ATP13A5: variants seen among roughly 807,000 people sequenced by gnomAD.
The protein encoded by ATP13A5 is ATPase 13A5, also known as probable cation-transporting ATPase 13A5.
ATP13A5 carries 149 observed loss-of-function variants against 150.2 expected under a neutral mutation model. The ratio of observed to expected loss-of-function variants is 0.99; its 90% confidence interval spans 0.87 to 1.14. The LOEUF (loss-of-function observed/expected upper bound fraction) is 1.14. ATP13A5 is among the 50% of genes most tolerant of loss of function. The probability of loss-of-function intolerance (pLI) is 0.00; values close to 1 mark genes in which losing one functional copy is unlikely to be tolerated. For missense variants in ATP13A5, 1,383 were observed against 1,449.3 expected (o/e 0.95, Z 0.74); for synonymous variants, 497 against 522.2 (o/e 0.95, Z 0.66).
At chr3:193,373,034 T>C (rs778522842) in intron 1 of ATP13A5, among the ~76,000 whole-genome samples, 57 of 152,158 alleles carry the variant, frequency 3.7e-4, no homozygotes, top group Non-Finnish European at 7.2e-4. Flanking sequence ...ATCCTTTGAG[T>C]GGTTTTTTTG....
In ATP13A5 at chr3:193,321,732, A is replaced by G. The variant is rs1225501608; in HGVS notation, c.1864T>C (p.Tyr622His). ...QLAGENHFHV[Y>H]MKGAPEMVAR... ...ACCATTTCTGGGGCACCTTTCATGT[A>G]GACATGGAAATGATTCTCCCCAGCT... is the stretch of plus-strand genomic sequence containing the variant. The change falls in exon 16 of 30, where the codon TAC (tyrosine) becomes CAC (histidine). Residue 622 changes from tyrosine to histidine, a missense_variant. Coordinates refer to ENST00000342358, the MANE Select transcript of ATP13A5 (RefSeq NM_198505.4). 1 of 1,614,194 alleles carries G rather than the reference A, an allele frequency of 6.2e-7. No individual in the cohort carries two copies. Among genetic ancestry groups the G allele is most frequent in the East Asian group, 2.2e-5 (1 of 44,880 alleles).
intron 7 of ATP13A5, among the ~76,000 whole-genome samples, chr3:193,348,469 ATAC>A (rs1186202006): frequency 6.6e-6 from 1 of 152,180 alleles, no homozygotes; most frequent in African/African-American, 2.4e-5. Flanking sequence ...GAGCTCAGCA[ATAC>A]AGTATGCACA....
chr3:193,307,515 T>C (rs1490769217), intron 21 of ATP13A5, 146 bp from the exon 22 acceptor site: 1 of 936,820 alleles, frequency 1.1e-6, no homozygotes, highest in East Asian at 2.6e-5. Context: ...AGAAAAATGG[T>C]TTGGAGAGAC....
chr3:193,318,999 G>C lies in ATP13A5; in HGVS notation c.2025C>G (p.His675Gln). The C allele has an allele frequency of 6.2e-7, 1 of 1,612,970 alleles. No individual in the cohort carries two copies. Among genetic ancestry groups the C allele is most frequent in the Non-Finnish European group, 8.5e-7 (1 of 1,178,986 alleles). The change falls in exon 17 of 30, where the codon CAC becomes CAG. Residue 675 changes from histidine to glutamine, a missense_variant. Around this residue, in one of 3 missense-constraint regions of ATP13A5, gnomAD observed 28 missense variants for 55.9 expected, o/e 0.50. Coordinates refer to ENST00000342358, the MANE Select transcript of ATP13A5 (RefSeq NM_198505.4). ...ATTTCTGAATTGCTTACCTGGCTAA[G>C]TGCTCGACTTCTGAAAGATTCCCCA... is the stretch of plus-strand genomic sequence containing the variant. ...LKMGNLSEVE[H>Q]LAREKVESEL...
chr3:193,292,452 G>A (rs1231802093), intron 25 of ATP13A5, among the ~76,000 whole-genome samples: 1 of 152,098 alleles, frequency 6.6e-6, no homozygotes, highest in Non-Finnish European at 1.5e-5. Flanking sequence ...GAGTGGTGGG[G>A]TGTATTTTGT....
intron 22 of ATP13A5, 198 bp downstream of exon 22, chr3:193,307,129 C>A: frequency 1.4e-6 from 2 of 1,401,412 alleles, no homozygotes; most frequent in Non-Finnish European, 9.3e-7. Context: ...TAGGAGTTTC[C>A]AGAAAGCATC....
chr3:193,310,503 C>CT (rs1718800300), intron 21 of ATP13A5, 135 bp downstream of exon 21: 1 of 655,436 alleles, frequency 1.5e-6, no homozygotes, highest in Non-Finnish European at 2.6e-6. Flanking sequence ...TAAGTGTTCC[C>CT]TTTTCTCTGC....
At chr3:193,311,770 G>A (rs758010601) in intron 20 of ATP13A5, 46 bp downstream of exon 20, 45 of 1,605,738 alleles carry the variant, frequency 2.8e-5, no homozygotes, top group Middle Eastern at 1.7e-4. Flanking sequence ...CTTTCGCCTC[G>A]CTGATTTGAG....
At chr3:193,304,150 A>G (rs1303822792) in intron 23 of ATP13A5, among the ~76,000 whole-genome samples, 1 of 152,190 alleles carries the variant, frequency 6.6e-6, no homozygotes, top group Non-Finnish European at 1.5e-5. Context: ...TAAATCAGTA[A>G]AACATAATGC....
intron 29 of ATP13A5, 63 bp downstream of exon 29, chr3:193,276,687 C>T (rs1486505279): frequency 1.2e-5 from 14 of 1,191,672 alleles, no homozygotes; most frequent in East Asian, 2.4e-5. Flanking sequence ...AAAATAAGCA[C>T]CTGCTGAAAA....
rs1187740006 is a variant in ATP13A5 at position 193,362,612 on chromosome 3, A to C, written c.410T>G (p.Ile137Ser). ...LKLRCMEVQK[I>S]RYVWNDLEKR... ...CTCCAGGTCGTTCCAAACATACCTG[A>C]TTTTCTGCACTTCCATGCACCGCAG... The change falls in exon 4 of 30, where the codon ATC (isoleucine) becomes AGC (serine). Residue 137 changes from isoleucine (I) to serine (S), a missense_variant. By Grantham distance (142) the Ile-to-Ser change is moderately radical. Coordinates refer to ENST00000342358, the MANE Select transcript of ATP13A5 (RefSeq NM_198505.4). 6.2e-7 allele frequency: 1 copy of C among 1,614,186 alleles called. No homozygotes were observed. Among genetic ancestry groups the C allele is most frequent in the Non-Finnish European group, 8.5e-7 (1 of 1,180,014 alleles).
chr3:193,333,998 G>A (rs1295196045), intron 10 of ATP13A5, 91 bp from the exon 11 acceptor site: 6 of 1,194,490 alleles, frequency 5.0e-6, no homozygotes, highest in African/African-American at 1.5e-5. Flanking sequence ...GAAAAGAGTA[G>A]AGTGTCCTCT....
Position 193,314,955 on chromosome 3 carries a change from T to C in ATP13A5, c.2158+17A>G, listed in dbSNP as rs775317048. 86 of 1,610,400 alleles carry C rather than the reference T, an allele frequency of 5.3e-5. No individual in the cohort carries two copies. Among genetic ancestry groups the C allele is most frequent in the Admixed American group, 1.5e-4 (9 of 59,828 alleles). On this transcript the variant is annotated intron_variant, in intron 18 of 29. Transcript: ENST00000342358. ...GGATACAATCAACTTGCCAGGCCCC[T>C]AGAAACAAATACATACCTGTAATCA... is the stretch of plus-strand genomic sequence containing the variant.
At chr3:193,293,722 A>G (rs1718056696) in intron 25 of ATP13A5, among the ~76,000 whole-genome samples, 1 of 152,148 alleles carries the variant, frequency 6.6e-6, no homozygotes, top group African/African-American at 2.4e-5. Context: ...GAACCCACCT[A>G]AACTACATGC....
chr3:193,334,994 C>A lies in ATP13A5; in HGVS notation c.1049G>T (p.Gly350Val). Residue 350 changes from glycine to valine, a missense_variant, in exon 10 of 30, where the codon GGA (glycine) becomes GTA (valine). Gly to Val is a moderately radical substitution (Grantham distance 109). Transcript: ENST00000342358. ...EDYRKHVLFC[G>V]TEVIQVKPSG... ...GGGCTTGACCTGGATAACTTCTGTTCCACAGAAAAGGACGTGTTTCCTATA... is the reference window on the plus strand; with the variant it reads ...GGGCTTGACCTGGATAACTTCTGTTACACAGAAAAGGACGTGTTTCCTATA... 6.2e-7 allele frequency: 1 copy of A among 1,613,942 alleles called. No individual in the cohort carries two copies. Among genetic ancestry groups the A allele is most frequent in the Non-Finnish European group, 8.5e-7 (1 of 1,179,838 alleles).
In ATP13A5 at chr3:193,378,676, T is replaced by C; in HGVS notation, c.50A>G (p.Glu17Gly). 1 of 1,613,828 alleles carries C rather than the reference T, an allele frequency of 6.2e-7. No homozygotes were observed. Among genetic ancestry groups the C allele is most frequent in the South Asian group, 1.1e-5 (1 of 91,066 alleles). ...GGGAAGACTCACCAGTTCATCCTCC[T>C]CTCCCTGGTTGAGCAAAGCCCGATG... ...KDHRALLNQGEEDELEVFGYR... is the reference protein window; with the variant it reads ...KDHRALLNQGGEDELEVFGYR... Residue 17 changes from glutamate (E) to glycine (G), a missense_variant, in exon 1 of 30, where the codon GAG (glutamate) becomes GGG (glycine). Physicochemically the swap from Glu to Gly is moderately conservative, Grantham distance 98. Transcript: ENST00000342358.
Position 193,354,212 on chromosome 3 carries a change from C to A in ATP13A5, c.537-16G>T. On this transcript the variant is annotated splice_polypyrimidine_tract_variant and intron_variant, in intron 5 of 29. Transcript: ENST00000342358. Reference sequence around the variant, plus strand: ...CACTAATCTTCTGCGGGAAATTGATCATCCATTAGTGTCATAGCTACAAGC... The same window carrying A: ...CACTAATCTTCTGCGGGAAATTGATAATCCATTAGTGTCATAGCTACAAGC... The A allele has an allele frequency of 6.2e-7, 1 of 1,607,424 alleles. No homozygotes were observed. Among genetic ancestry groups the A allele is most frequent in the Non-Finnish European group, 8.5e-7 (1 of 1,177,816 alleles).
At chr3:193,321,088 T>G (rs921744650) in intron 16 of ATP13A5, among the ~76,000 whole-genome samples, 1 of 152,144 alleles carries the variant, frequency 6.6e-6, no homozygotes, top group African/African-American at 2.4e-5. Flanking sequence ...CTCCCCTAGT[T>G]CTCTGACCCT....
intron 1 of ATP13A5, among the ~76,000 whole-genome samples, chr3:193,369,614 A>G (rs1713371506): frequency 1.2e-4 from 2 of 16,868 alleles, no homozygotes; most frequent in African/African-American, 3.0e-4. Context: ...GGAGAGAGCC[A>G]GGAACATGTT....
Sources: gnomAD v4.1 joint callset for allele counts (sites outside exome capture counted in the v4.1 genomes callset) on GRCh38, gnomAD v4.1.1 for gene constraint, gnomAD v4.1.1 regional missense constraint, MANE v1.5 for transcripts, NCBI Gene and HGNC (gene_info 2026-07-23, HGNC 2026-07-21) for gene names.